The following EXOC6B variants were observed in gnomAD, a reference collection of about 807,000 sequenced individuals.
The protein encoded by EXOC6B is SEC15 homolog B.
In EXOC6B, 54 loss-of-function variants were observed where a neutral mutation model predicts 113.5. That is an observed-to-expected ratio of 0.48 (90% CI 0.38 to 0.60). EXOC6B has a LOEUF of 0.60. Among genes scored for constraint, EXOC6B ranks in the 20% least tolerant of loss-of-function variants. The pLI, the probability that EXOC6B is intolerant of heterozygous loss-of-function variation, is 0.00. For missense variants in EXOC6B, 797 were observed against 977.5 expected, an observed-to-expected ratio of 0.82 and a Z score of 2.46; for synonymous variants, 357 against 339.0, an observed-to-expected ratio of 1.05 and a Z score of -0.58.
intron 6 of EXOC6B, among the ~76,000 whole-genome samples, chr2:72,673,428 C>G (rs1285604433): frequency 6.6e-6 from 1 of 152,102 alleles, no homozygotes; most frequent in Non-Finnish European, 1.5e-5. Flanking sequence ...TTCCTCCGGT[C>G]TTGTTTTGAT....
At chr2:72,783,318 C>CTTTTTTTTTTTTT (rs70963146) in intron 1 of EXOC6B, among the ~76,000 whole-genome samples, 242 of 60,300 alleles carry the variant, frequency 4.0e-3, no homozygotes, top group Non-Finnish European at 4.7e-3. Flanking sequence ...TTTTTCTTTT[C>CTTTTTTTTTTTTT]TTTTTTTTTT....
intron 20 of EXOC6B, among the ~76,000 whole-genome samples, chr2:72,215,525 T>C (rs144884762): frequency 3.3e-5 from 5 of 152,292 alleles, no homozygotes; most frequent in South Asian, 2.1e-4. Context: ...AGGAAGTTGA[T>C]TGCAGAACCA....
intron 18 of EXOC6B, among the ~76,000 whole-genome samples, chr2:72,380,914 G>A (rs1691643057): frequency 6.6e-6 from 1 of 152,106 alleles, no homozygotes; most frequent in African/African-American, 2.4e-5. Context: ...AAAACACTAT[G>A]ATCAAATTAT....
chr2:72,822,323 C>T (rs1686625946), intron 1 of EXOC6B, among the ~76,000 whole-genome samples: 1 of 152,098 alleles, frequency 6.6e-6, no homozygotes, highest in Admixed American at 6.5e-5. Flanking sequence ...AAGGTAAAGA[C>T]AAAGAGAGAG....
At position 72,178,773 on chromosome 2, in the gene EXOC6B, T is replaced by C. The variant is rs2104183294; in HGVS notation, c.*562A>G. 1 of 152,474 alleles carries C rather than the reference T, an allele frequency of 6.6e-6. No homozygotes were observed. Among genetic ancestry groups the C allele is most frequent in the East Asian group, 1.9e-4 (1 of 5,190 alleles). The allele number at this position is 152,474 out of a possible 1,614,324, so 9.4% of individuals were successfully genotyped here. On this transcript the variant is annotated 3_prime_UTR_variant, in exon 22 of 22. Coordinates refer to ENST00000272427, the MANE Select transcript of EXOC6B (RefSeq NM_015189.3). ...GGGGGATTGGAATGAAGCTGTCATC[T>C]TGCCATATGCCATGCTTGTTCACAA...
At chr2:72,274,037 A>G (rs143328658) in intron 20 of EXOC6B, among the ~76,000 whole-genome samples, 178 of 152,298 alleles carry the variant, frequency 1.2e-3, no homozygotes, top group Non-Finnish European at 2.2e-3. Flanking sequence ...TTGGAATGAA[A>G]TGATGAGGGA....
chr2:72,506,007 T>C (rs995261254), intron 11 of EXOC6B, among the ~76,000 whole-genome samples: 5 of 152,102 alleles, frequency 3.3e-5, no homozygotes, highest in African/African-American at 7.2e-5. Context: ...TTAATATTTG[T>C]TGTAAATGGC....
chr2:72,424,223 T>C (rs1001524022), intron 18 of EXOC6B, among the ~76,000 whole-genome samples: 1 of 152,176 alleles, frequency 6.6e-6, no homozygotes, highest in African/African-American at 2.4e-5. Context: ...ATCCAGAAGA[T>C]GTAATTAACA....
intron 2 of EXOC6B, among the ~76,000 whole-genome samples, chr2:72,740,010 T>C (rs976562730): frequency 1.3e-5 from 2 of 152,264 alleles, no homozygotes; most frequent in African/African-American, 2.4e-5. Context: ...GATAGCACCA[T>C]ATAATCAAAC....
intron 7 of EXOC6B, among the ~76,000 whole-genome samples, chr2:72,567,135 T>C (rs1248453781): frequency 6.6e-6 from 1 of 151,884 alleles, no homozygotes; most frequent in African/African-American, 2.4e-5. Flanking sequence ...TAAATAAGGA[T>C]AGTTGAACCC....
chr2:72,719,161 G>T (rs1679833408), intron 5 of EXOC6B, among the ~76,000 whole-genome samples: 1 of 152,112 alleles, frequency 6.6e-6, no homozygotes, highest in Non-Finnish European at 1.5e-5. Flanking sequence ...CTGGTCATTG[G>T]CCATGGCTAG....
At position 72,343,928 on chromosome 2, in the gene EXOC6B, C is replaced by T. The variant is rs190493583; in HGVS notation, c.2123-8908G>A. 2.6e-4 allele frequency among the ~76,000 whole-genome samples: 40 copies of T among 152,134 alleles called. No homozygotes were observed. In the South Asian group the frequency reaches 3.5e-3, roughly 13 times the overall value. ...TACAAAGAGTCTTGTAAGATCCTTC[C>T]GTTCATTTTAATTGGAGTTCTTCTG... On this transcript the variant is annotated intron_variant, in intron 19 of 21. Transcript: ENST00000272427.
At chr2:72,421,116 C>G (rs889360250) in intron 18 of EXOC6B, among the ~76,000 whole-genome samples, 1 of 151,856 alleles carries the variant, frequency 6.6e-6, no homozygotes, top group African/African-American at 2.4e-5. Flanking sequence ...TGTTTAAGTT[C>G]TTTGTAGATT....
chr2:72,507,404 A>G (rs932330106), intron 11 of EXOC6B, among the ~76,000 whole-genome samples: 1 of 152,072 alleles, frequency 6.6e-6, no homozygotes, highest in East Asian at 1.9e-4. Flanking sequence ...TAATTCCCAT[A>G]CCATATAACT....
intron 6 of EXOC6B, among the ~76,000 whole-genome samples, chr2:72,663,432 G>T (rs1323243176): frequency 6.6e-6 from 1 of 152,170 alleles, no homozygotes; most frequent in African/African-American, 2.4e-5. Flanking sequence ...TATATAAATA[G>T]CTAGAAAGCC....
chr2:72,275,873 G>A (rs1025202396), intron 20 of EXOC6B, among the ~76,000 whole-genome samples: 8 of 152,096 alleles, frequency 5.3e-5, no homozygotes, highest in Non-Finnish European at 1.0e-4. Flanking sequence ...TTGGGGGGTG[G>A]TGGTCTACAT....
chr2:72,812,772 A>G (rs1685993652), intron 1 of EXOC6B, among the ~76,000 whole-genome samples: 1 of 152,086 alleles, frequency 6.6e-6, no homozygotes, highest in African/African-American at 2.4e-5. Context: ...TGATAAAACA[A>G]GATTAAAATA....
intron 6 of EXOC6B, among the ~76,000 whole-genome samples, chr2:72,601,114 G>A (rs866364877): frequency 3.8e-5 from 5 of 133,108 alleles, no homozygotes; most frequent in South Asian, 2.6e-4. Context: ...ATATATATAT[G>A]TGTGTGTGTA....
chr2:72,677,358 C>T (rs1271757238), intron 6 of EXOC6B, among the ~76,000 whole-genome samples: 1 of 151,858 alleles, frequency 6.6e-6, no homozygotes, highest in Admixed American at 6.6e-5. Context: ...TGGTGAAACC[C>T]TATCTTTATT....
Sources: allele counts gnomAD v4.1 joint callset (sites outside exome capture counted in the v4.1 genomes callset), GRCh38; gene constraint gnomAD v4.1.1; transcripts MANE v1.5; gene names NCBI Gene and HGNC (gene_info 2026-07-23, HGNC 2026-07-21).